The following NSMCE2 variants were observed in gnomAD, a reference collection of about 807,000 sequenced individuals.
NSMCE2 encodes E3 SUMO-protein ligase NSE2.
NSMCE2 carries 24 observed loss-of-function variants against 23.8 expected under a neutral mutation model. That is an observed-to-expected ratio of 1.01 (90% confidence interval 0.73 to 1.42). The LOEUF is 1.42. Ranked by LOEUF, NSMCE2 falls within the 40% of genes most tolerant of loss-of-function variation. The probability of loss-of-function intolerance (pLI) is 0.00; values close to 1 mark genes in which losing one functional copy is unlikely to be tolerated. For missense variants in NSMCE2, 284 were observed against 296.5 expected (o/e 0.96, Z 0.31); for synonymous variants, 92 against 94.1 (o/e 0.98, Z 0.13).
At position 125,195,473 on chromosome 8, in the gene NSMCE2, A is replaced by T. The variant is rs78768275; in HGVS notation, c.418+13217A>T. Among the ~76,000 whole-genome samples the T allele has an allele frequency of 2.2e-3, 337 of 152,286 alleles. 1 individual carries two copies. Among genetic ancestry groups the T allele is most frequent in the Non-Finnish European group, 3.4e-3 (231 of 67,998 alleles). On this transcript the variant is annotated intron_variant, in intron 5 of 7. Transcript: ENST00000287437. ...TTAGCATAGTCATAAGCACATACAT[A>T]TAAGTCACTTAGTAATTACCTAATG...
chr8:125,357,563 A>C, intron 6 of NSMCE2, 149 bp from the exon 7 acceptor site: 4 of 674,204 alleles, frequency 5.9e-6, no homozygotes, highest in Non-Finnish European at 1.0e-5. Context: ...CTGCCACTGG[A>C]TTCCCTGCAT....
In NSMCE2 at chr8:125,323,984, A is replaced by G. The variant is rs115500451; in HGVS notation, c.419-33235A>G. ...GAAAGCACTCCCAAAAATGGAAAAAAGATTTTGAAAAGATACTGAAATGAA... is the reference window on the plus strand; with the variant it reads ...GAAAGCACTCCCAAAAATGGAAAAAGGATTTTGAAAAGATACTGAAATGAA... On this transcript the variant is annotated intron_variant, in intron 5 of 7. Coordinates refer to ENST00000287437, the MANE Select transcript of NSMCE2 (RefSeq NM_173685.4). Among the ~76,000 whole-genome samples, 506 of 152,276 alleles carry G rather than the reference A, an allele frequency of 3.3e-3. 2 individuals carry two copies. The highest frequency in any genetic ancestry group is 0.011 in the African/African-American group (466 of 41,538).
intron 3 of NSMCE2, among the ~76,000 whole-genome samples, chr8:125,119,825 A>AT (rs970328380): frequency 6.6e-6 from 1 of 151,930 alleles, no homozygotes; most frequent in Non-Finnish European, 1.5e-5. Flanking sequence ...ATCCAGACCT[A>AT]TTTTTTCTCC....
chr8:125,171,513 G>T (rs566049137), intron 4 of NSMCE2, among the ~76,000 whole-genome samples: 78 of 152,236 alleles, frequency 5.1e-4, no homozygotes, highest in Non-Finnish European at 7.5e-4. Context: ...TACCTATAAT[G>T]TTATTTGTTT....
chr8:125,115,456 A>C (rs1174228068), intron 3 of NSMCE2, among the ~76,000 whole-genome samples: 1 of 152,364 alleles, frequency 6.6e-6, no homozygotes, highest in African/African-American at 2.4e-5. Flanking sequence ...AGATGTTTCT[A>C]TTAAATCTTT....
intron 5 of NSMCE2, among the ~76,000 whole-genome samples, chr8:125,235,449 C>A (rs1825503794): frequency 6.6e-6 from 1 of 152,024 alleles, no homozygotes; most frequent in Non-Finnish European, 1.5e-5. Flanking sequence ...ACTCCTCTGA[C>A]CCCAATCCCA....
At chr8:125,183,181 TAATGTAGGG>T (rs1336983576) in intron 5 of NSMCE2, among the ~76,000 whole-genome samples, 1 of 152,220 alleles carries the variant, frequency 6.6e-6, no homozygotes, top group Non-Finnish European at 1.5e-5. Flanking sequence ...TATATGTGCT[TAATGTAGGG>T]ATTCGTATTT....
In NSMCE2 at chr8:125,316,096, T is replaced by C. The variant is rs1227336109; in HGVS notation, c.419-41123T>C. ...TGGTGGGATTATAGGTATGAGCCACTACACCTGGTCTAAACCTCATTCTTA... is the reference window on the plus strand; with the variant it reads ...TGGTGGGATTATAGGTATGAGCCACCACACCTGGTCTAAACCTCATTCTTA... On this transcript the variant is annotated intron_variant, in intron 5 of 7. Transcript: ENST00000287437. Among the ~76,000 whole-genome samples the C allele has an allele frequency of 2.0e-5, 3 of 152,200 alleles. No individual in the cohort carries two copies. In the East Asian group the frequency reaches 5.8e-4, roughly 29 times the overall value.
At chr8:125,267,173 A>G (rs189341129) in intron 5 of NSMCE2, among the ~76,000 whole-genome samples, 4 of 151,728 alleles carry the variant, frequency 2.6e-5, no homozygotes, top group Admixed American at 2.6e-4. Flanking sequence ...ACGCCCGGTT[A>G]ATTTTTGTAT....
intron 5 of NSMCE2, among the ~76,000 whole-genome samples, chr8:125,321,943 C>T (rs1294719856): frequency 6.6e-6 from 1 of 152,152 alleles, no homozygotes; most frequent in African/African-American, 2.4e-5. Flanking sequence ...CCTAATGACT[C>T]AGGAGGTTGA....
chr8:125,201,058 T>C (rs7840900), intron 5 of NSMCE2, among the ~76,000 whole-genome samples: 7,148 of 152,296 alleles, frequency 0.047, 567 homozygotes, highest in African/African-American at 0.16. Context: ...TTATTCTAGT[T>C]AGTCATTCGT....
At chr8:125,203,903 A>T (rs1363449338) in intron 5 of NSMCE2, among the ~76,000 whole-genome samples, 3 of 152,204 alleles carry the variant, frequency 2.0e-5, no homozygotes, top group Admixed American at 1.3e-4. Flanking sequence ...AAAAAAATTT[A>T]AAAAAATAAA....
At chr8:125,115,571 T>C (rs1268225390) in intron 3 of NSMCE2, among the ~76,000 whole-genome samples, 10 of 152,114 alleles carry the variant, frequency 6.6e-5, no homozygotes, top group African/African-American at 2.4e-4. Flanking sequence ...GCCAACACAG[T>C]GAAACCCCAT....
At chr8:125,211,864 T>A (rs1824359810) in intron 5 of NSMCE2, among the ~76,000 whole-genome samples, 1 of 152,244 alleles carries the variant, frequency 6.6e-6, no homozygotes, top group Non-Finnish European at 1.5e-5. Context: ...TTACAGTAGC[T>A]CTTTGCAATC....
At chr8:125,350,717 C>A (rs1268721171) in intron 5 of NSMCE2, among the ~76,000 whole-genome samples, 1 of 152,190 alleles carries the variant, frequency 6.6e-6, no homozygotes, top group Admixed American at 6.5e-5. Context: ...TTGACTATCA[C>A]AAGAACAGCA....
At chr8:125,144,014 A>G (rs1820524358) in intron 3 of NSMCE2, among the ~76,000 whole-genome samples, 1 of 152,222 alleles carries the variant, frequency 6.6e-6, no homozygotes, top group African/African-American at 2.4e-5. Flanking sequence ...GAAGTAGTAT[A>G]GAGATAAATG....
intron 3 of NSMCE2, among the ~76,000 whole-genome samples, chr8:125,104,891 A>G (rs2130379043): frequency 6.6e-6 from 1 of 152,270 alleles, no homozygotes; most frequent in East Asian, 1.9e-4. Flanking sequence ...GGCATGGTGG[A>G]GGATGCCAGT....
At chr8:125,212,998 A>C (rs537686004) in intron 5 of NSMCE2, among the ~76,000 whole-genome samples, 5 of 152,216 alleles carry the variant, frequency 3.3e-5, no homozygotes, top group Non-Finnish European at 5.9e-5. Context: ...AAAAATCAAT[A>C]TGTAATAATA....
chr8:125,365,193 G>A (rs763258414), intron 7 of NSMCE2, among the ~76,000 whole-genome samples: 9 of 152,120 alleles, frequency 5.9e-5, no homozygotes, highest in Admixed American at 2.0e-4. Flanking sequence ...AACCAGGACT[G>A]TGGTTCTGTG....
Sources: gnomAD v4.1 joint callset for allele counts (sites outside exome capture counted in the v4.1 genomes callset) on GRCh38, gnomAD v4.1.1 for gene constraint, MANE v1.5 for transcripts, NCBI Gene and HGNC (gene_info 2026-07-23, HGNC 2026-07-21) for gene names.